The following FBN3 variants were observed in gnomAD, a reference collection of about 807,000 sequenced individuals.
FBN3 encodes the protein fibrillin-3.
FBN3 carries 234 observed loss-of-function variants against 330.1 expected under a neutral mutation model. The ratio of observed to expected loss-of-function variants is 0.71; its 90% CI spans 0.64 to 0.79. The LOEUF (loss-of-function observed/expected upper bound fraction) is 0.79, where lower values mean the gene tolerates loss of function less well. Among genes scored for constraint, FBN3 ranks in the 30% least tolerant of loss-of-function variants. The pLI is 0.00. For missense variants in FBN3, 3,606 were observed against 3,886.9 expected, an observed-to-expected ratio of 0.93 and a Z score of 1.92; for synonymous variants, 1,458 against 1,517.3, an observed-to-expected ratio of 0.96 and a Z score of 0.91.
chr19:8,083,082 C>T (rs1047423706), intron 57 of FBN3, among the ~76,000 whole-genome samples, 165 bp downstream of exon 57: 6 of 152,162 alleles, frequency 3.9e-5, no homozygotes, highest in Admixed American at 1.3e-4. Context: ...ATTACAGTAG[C>T]GAGCCATCAC....
intron 59 of FBN3, among the ~76,000 whole-genome samples, chr19:8,077,669 A>G (rs117489816): frequency 0.011 from 1,636 of 151,786 alleles, 11 homozygotes; most frequent in Non-Finnish European, 0.018. Flanking sequence ...CAAAAAGTGA[A>G]TATCTCTTGG....
rs2082202893 is a variant in FBN3 at position 8,096,077 on chromosome 19, A to G, written c.5543T>C (p.Ile1848Thr). The G allele has an allele frequency of 6.2e-7, 1 of 1,612,912 alleles. No homozygotes were observed. Among genetic ancestry groups the G allele is most frequent in the Non-Finnish European group, 8.5e-7 (1 of 1,179,002 alleles). Residue 1848 changes from isoleucine to threonine, a missense_variant, in exon 45 of 64, where the codon ATT becomes ACT. By Grantham distance (89) the Ile-to-Thr change is moderately conservative (BLOSUM62 -1). Transcript: ENST00000600128. The surrounding 1 kb of genome is among the most constrained non-coding windows in gnomAD (Gnocchi z 4.6). ...ASADQTLCMDIDECDRQPCGN... is the reference protein window; with the variant it reads ...ASADQTLCMDTDECDRQPCGN... ...ACAAGGCTGCCGGTCACACTCGTCAATGTCTGCAGAAGCAAAGCCGAGAGC... is the reference window on the plus strand; with the variant it reads ...ACAAGGCTGCCGGTCACACTCGTCAGTGTCTGCAGAAGCAAAGCCGAGAGC...
rs1474945716 is a variant in FBN3 at position 8,131,300 on chromosome 19, G to A, written c.1991-12C>T. 3.7e-6 allele frequency: 6 copies of A among 1,611,612 alleles called. No homozygotes were observed. In the South Asian group the frequency reaches 5.5e-5, roughly 15 times the overall value. ...TGCCTGGAACTCAGCTGGGGATGGAGGGACAGAGTGAGACGGGTCAGGGAG... is the reference window on the plus strand; with the variant it reads ...TGCCTGGAACTCAGCTGGGGATGGAAGGACAGAGTGAGACGGGTCAGGGAG... On this transcript the variant is annotated splice_polypyrimidine_tract_variant and intron_variant, in intron 15 of 63. Coordinates refer to ENST00000600128, the MANE Select transcript of FBN3 (RefSeq NM_032447.5). The surrounding 1 kb of genome is among the most constrained non-coding windows in gnomAD (Gnocchi z 4.5).
chr19:8,095,520 G>T lies in FBN3; in HGVS notation c.5657-17C>A, dbSNP rs897378469. The T allele has an allele frequency of 6.2e-7, 1 of 1,609,960 alleles. No individual in the cohort carries two copies. Among genetic ancestry groups the T allele is most frequent in the South Asian group, 1.1e-5 (1 of 90,570 alleles). Reference sequence around the variant, plus strand: ...CATCAAAATCTGTAGAGGGGAGATGGGCAGGCCAGTTCACCCACAAAACTT... The same window carrying T: ...CATCAAAATCTGTAGAGGGGAGATGTGCAGGCCAGTTCACCCACAAAACTT... On this transcript the variant is annotated splice_polypyrimidine_tract_variant and intron_variant, in intron 45 of 63. Transcript: ENST00000600128.
chr19:8,073,896 G>C (rs1326438446), intron 61 of FBN3, among the ~76,000 whole-genome samples: 1 of 152,088 alleles, frequency 6.6e-6, no homozygotes, highest in Non-Finnish European at 1.5e-5. Context: ...TGCCTAGGCT[G>C]GTCTTGAACT....
Position 8,131,468 on chromosome 19 carries a change from G to A in FBN3, c.1990+86C>T, listed in dbSNP as rs1599418668. 3 of 1,522,076 alleles carry A rather than the reference G, an allele frequency of 2.0e-6. No individual in the cohort carries two copies. The highest frequency in any genetic ancestry group is 2.7e-6 in the Non-Finnish European group (3 of 1,120,540). 94.3% of individuals were successfully genotyped at this position (1,522,076 alleles called of 1,614,324 possible). ...TTTTGGGAAGAGCCCCCACTCCATG[G>A]CAGCCATGACCCCCCACCAGAAGCG... On this transcript the variant is annotated intron_variant, in intron 15 of 63. Coordinates refer to ENST00000600128, the MANE Select transcript of FBN3 (RefSeq NM_032447.5). The surrounding 1 kb of genome is among the most constrained non-coding windows in gnomAD (Gnocchi z 4.5).
chr19:8,081,793 G>A (rs753736964), intron 57 of FBN3, among the ~76,000 whole-genome samples: 3 of 152,082 alleles, frequency 2.0e-5, no homozygotes, highest in Non-Finnish European at 4.4e-5. Flanking sequence ...CTTGACCCTC[G>A]GGCTAGAGTT....
chr19:8,144,431 G>A (rs1034496499), intron 6 of FBN3, among the ~76,000 whole-genome samples: 4 of 152,012 alleles, frequency 2.6e-5, no homozygotes, highest in African/African-American at 9.6e-5. Context: ...TAAAGAGGGG[G>A]TTTGCCCATC....
Position 8,083,227 on chromosome 19 carries a change from G to T in FBN3, c.7213+20C>A. The stretch of plus-strand genomic sequence containing the variant: ...TGGCCAGGCTGGGCCAAGGGTGCAG[G>T]TGCAGAGGGCTGGGCTCACCCAGGC... On this transcript the variant is annotated intron_variant, in intron 57 of 63. Transcript: ENST00000600128. 1 of 1,613,760 alleles carries T rather than the reference G, an allele frequency of 6.2e-7. No homozygotes were observed. The highest frequency in any genetic ancestry group is 1.1e-5 in the South Asian group (1 of 91,078).
At chr19:8,101,296 G>A (rs2082323347) in intron 40 of FBN3, among the ~76,000 whole-genome samples, 1 of 151,984 alleles carries the variant, frequency 6.6e-6, no homozygotes, top group Non-Finnish European at 1.5e-5. Context: ...GGTTTTTAAA[G>A]CCACCTAGTT....
In FBN3 at chr19:8,087,136, A is replaced by G; in HGVS notation, c.6695T>C (p.Phe2232Ser). 1 of 1,610,944 alleles carries G rather than the reference A, an allele frequency of 6.2e-7. No homozygotes were observed. Among genetic ancestry groups the G allele is most frequent in the Non-Finnish European group, 8.5e-7 (1 of 1,179,516 alleles). Reference sequence around the variant, plus strand: ...CATGCCTGGGGGACAGACGCACGCGAAGGTACCGATGAGGTTCTTGCACTC... The same window carrying G: ...CATGCCTGGGGGACAGACGCACGCGGAGGTACCGATGAGGTTCTTGCACTC... ...GMECKNLIGT[F>S]ACVCPPGMRP... The change falls in exon 54 of 64, where the codon TTC becomes TCC. Residue 2232 changes from phenylalanine (F) to serine (S), a missense_variant. Physicochemically the swap from Phe to Ser is radical, Grantham distance 155 (BLOSUM62 -2). Transcript: ENST00000600128.
intron 63 of FBN3, among the ~76,000 whole-genome samples, chr19:8,070,396 T>C (rs1214425936): frequency 6.6e-6 from 1 of 152,338 alleles, no homozygotes; most frequent in Non-Finnish European, 1.5e-5. Context: ...GTTGTTGTTG[T>C]TGTTCACTGT....
At chr19:8,113,740 C>T (rs1199933419) in intron 30 of FBN3, among the ~76,000 whole-genome samples, 2 of 150,114 alleles carry the variant, frequency 1.3e-5, no homozygotes, top group Non-Finnish European at 3.0e-5. Context: ...TGCAGTGACT[C>T]GTGCCTGTAA....
At chr19:8,090,452 T>G (rs1283666467) in intron 48 of FBN3, among the ~76,000 whole-genome samples, 1 of 150,694 alleles carries the variant, frequency 6.6e-6, no homozygotes, top group Non-Finnish European at 1.5e-5. Flanking sequence ...GGATCTGCCC[T>G]GGGTTTTTAG....
chr19:8,131,860 T>C lies in FBN3; in HGVS notation c.1715-31A>G, dbSNP rs1476330441. 1.3e-6 allele frequency: 2 copies of C among 1,538,432 alleles called. No homozygotes were observed. Among genetic ancestry groups the C allele is most frequent in the Admixed American group, 3.7e-5 (2 of 53,766 alleles). ...GAAGCAGTGGCGGCACGGGGATGGG[T>C]TCCAGCGTGCTCCCTTCCTCTCTCC... On this transcript the variant is annotated intron_variant, in intron 14 of 63. Transcript: ENST00000600128. The surrounding 1 kb of genome is among the most constrained non-coding windows in gnomAD (Gnocchi z 4.5).
Position 8,117,597 on chromosome 19 carries a change from G to T in FBN3, c.3338-8C>A. Reference sequence around the variant, plus strand: ...GGGAGCACTCATCGATGTCTGTGGGGGAGTGCAGGTGAAAGACGGGCCTGT... The same window carrying T: ...GGGAGCACTCATCGATGTCTGTGGGTGAGTGCAGGTGAAAGACGGGCCTGT... On this transcript the variant is annotated splice_polypyrimidine_tract_variant and splice_region_variant and intron_variant, in intron 26 of 63. Transcript: ENST00000600128. 6.5e-7 allele frequency: 1 copy of T among 1,534,578 alleles called. No individual in the cohort carries two copies. The highest frequency in any genetic ancestry group is 8.8e-7 in the Non-Finnish European group (1 of 1,135,956).
intron 59 of FBN3, 21 bp downstream of exon 59, chr19:8,080,982 T>C (rs747537336): frequency 1.3e-6 from 2 of 1,555,840 alleles, no homozygotes; most frequent in South Asian, 1.1e-5. Context: ...CACCTCCCGG[T>C]GAGGGGCAAG....
chr19:8,130,832 G>A (rs1009072013), intron 16 of FBN3, among the ~76,000 whole-genome samples: 2 of 151,278 alleles, frequency 1.3e-5, no homozygotes, highest in African/African-American at 4.9e-5. Context: ...CTCGAGCCTG[G>A]GCAATAGAGT....
intron 59 of FBN3, among the ~76,000 whole-genome samples, chr19:8,079,247 C>T (rs948851298): frequency 2.0e-5 from 3 of 152,122 alleles, no homozygotes; most frequent in Non-Finnish European, 4.4e-5. Flanking sequence ...GAGACTCCAT[C>T]TCTAAGAAAC....
Sources: allele counts gnomAD v4.1 joint callset (sites outside exome capture counted in the v4.1 genomes callset), GRCh38; gene constraint gnomAD v4.1.1; non-coding constraint Gnocchi (gnomAD v3.1); transcripts MANE v1.5; gene names NCBI Gene and HGNC (gene_info 2026-07-23, HGNC 2026-07-21).